FXYD4: variants seen among roughly 807,000 people sequenced by gnomAD.
FXYD4 encodes the protein FXYD domain containing ion transport regulator 4.
In FXYD4, 14 loss-of-function variants were observed where a neutral mutation model predicts 18.3. That is an observed-to-expected ratio of 0.77 (90% CI 0.51 to 1.20). The LOEUF is 1.20. Ranked by LOEUF, FXYD4 falls within the 50% of genes most tolerant of loss-of-function variation. The probability of loss-of-function intolerance (pLI) is 0.00; values close to 1 mark genes in which losing one functional copy is unlikely to be tolerated. For synonymous variants in FXYD4, 40 were observed against 40.5 expected (o/e 0.99, Z 0.04); for missense variants, 99 against 106.1 (o/e 0.93, Z 0.29).
In FXYD4 at chr10:43,373,782, A is replaced by G; in HGVS notation, c.36A>G (p.Ala12=). 1 of 1,605,780 alleles carries G rather than the reference A, an allele frequency of 6.2e-7. No homozygotes were observed. Among genetic ancestry groups the G allele is most frequent in the Non-Finnish European group, 8.5e-7 (1 of 1,172,546 alleles). ...TGACCCTGGCCCTTCTCCTACTGGC[A>G]GGTGAGTCCTCCCAGTCTCCTGGGA... ...ERVTLALLLL[A]GLTALEANDP... The change falls in exon 3 of 9, where the codon GCA becomes GCG. Residue 12 remains alanine, a splice_region_variant and synonymous_variant. Transcript: ENST00000476166.
At chr10:43,374,345 C>T (rs1837842596) in intron 3 of FXYD4, 125 bp from the exon 4 acceptor site, 12 of 873,246 alleles carry the variant, frequency 1.4e-5, no homozygotes, top group South Asian at 6.8e-5. Flanking sequence ...CTGGGGAGGG[C>T]GTGAGGAAGG....
intron 3 of FXYD4, among the ~76,000 whole-genome samples, chr10:43,374,199 TA>T (rs1232886060): frequency 1.3e-5 from 2 of 152,116 alleles, no homozygotes; most frequent in African/African-American, 4.8e-5. Flanking sequence ...TTCCGACTCA[TA>T]AAAAAGACAA....
In FXYD4 at chr10:43,375,847, G is replaced by T. The variant is rs576422860; in HGVS notation, c.212+113G>T. 3 of 1,285,478 alleles carry T rather than the reference G, an allele frequency of 2.3e-6. No individual in the cohort carries two copies. In the African/African-American group the frequency reaches 4.4e-5, roughly 19 times the overall value. 79.6% of individuals were successfully genotyped at this position (1,285,478 alleles called of 1,614,324 possible). A position where few individuals can be genotyped will look rare whatever the true frequency, so the allele number is the denominator to read the frequency against. On this transcript the variant is annotated intron_variant, in intron 7 of 8. Transcript: ENST00000476166. ...ACTCGCTGGGCTTGCAGCTGGCTTT[G>T]TTATTCAGATAGTCAACCCTGAAGG...
chr10:43,373,803 TG>T lies in FXYD4; in HGVS notation c.37+23del. Reference sequence around the variant, plus strand: ...TGGCAGGTGAGTCCTCCCAGTCTCCTGGGACCCTCTTGCATTCACCCCACCC... The same window carrying T: ...TGGCAGGTGAGTCCTCCCAGTCTCCTGGACCCTCTTGCATTCACCCCACCC... On this transcript the variant is annotated intron_variant, in intron 3 of 8. Transcript: ENST00000476166. 1 of 1,565,662 alleles carries T rather than the reference TG, an allele frequency of 6.4e-7. No homozygotes were observed. Among genetic ancestry groups the T allele is most frequent in the Admixed American group, 1.7e-5 (1 of 59,934 alleles).
Position 43,373,737 on chromosome 10 carries a change from G to C in FXYD4, c.-10G>C. 2.5e-6 allele frequency: 4 copies of C among 1,599,584 alleles called. No individual in the cohort carries two copies. Among genetic ancestry groups the C allele is most frequent in the Non-Finnish European group, 3.4e-6 (4 of 1,167,042 alleles). On this transcript the variant is annotated 5_prime_UTR_variant, in exon 3 of 9. Transcript: ENST00000476166. The stretch of plus-strand genomic sequence containing the variant: ...CTCTCCCCCTGCAGCCCTGCCCCTC[G>C]AACTGTGACATGGAGAGAGTGACCC...
chr10:43,373,259 G>C (rs1031317243), intron 2 of FXYD4, among the ~76,000 whole-genome samples: 3 of 152,108 alleles, frequency 2.0e-5, no homozygotes, highest in African/African-American at 7.2e-5. Flanking sequence ...CCTTTGTGTG[G>C]GGTTAGGAAG....
At chr10:43,374,350 G>T in intron 3 of FXYD4, 120 bp from the exon 4 acceptor site, 1 of 925,758 alleles carries the variant, frequency 1.1e-6, no homozygotes. Context: ...GAGGGCGTGA[G>T]GAAGGGAACT....
At chr10:43,374,333 G>A in intron 3 of FXYD4, 137 bp from the exon 4 acceptor site, 2 of 814,580 alleles carry the variant, frequency 2.5e-6, no homozygotes, top group South Asian at 2.9e-5. Context: ...GGCTGTGTGG[G>A]GCTGGGGAGG....
At chr10:43,374,837 T>G (rs942147273) in intron 5 of FXYD4, among the ~76,000 whole-genome samples, 198 bp downstream of exon 5, 2 of 151,512 alleles carry the variant, frequency 1.3e-5, no homozygotes, top group Admixed American at 1.3e-4. Flanking sequence ...GAAGGGCTGG[T>G]GCCTGGGTGG....
rs1837832569 is a variant in FXYD4, at chr10:43,373,543, G to A, written c.-204G>A. Reference sequence around the variant, plus strand: ...ACCACCATCTCTAGATGGGAAGACAGAAAGTAGTTACTTTCCCAAGATCTC... The same window carrying A: ...ACCACCATCTCTAGATGGGAAGACAAAAAGTAGTTACTTTCCCAAGATCTC... On this transcript the variant is annotated 5_prime_UTR_variant, in exon 3 of 9. Coordinates refer to ENST00000476166, the MANE Select transcript of FXYD4 (RefSeq NM_173160.3). 2 of 593,820 alleles carry A rather than the reference G, an allele frequency of 3.4e-6. No homozygotes were observed. Among genetic ancestry groups the A allele is most frequent in the South Asian group, 2.0e-5 (1 of 49,732 alleles). 36.8% of individuals were successfully genotyped at this position (593,820 alleles called of 1,614,324 possible).
chr10:43,373,649 C>G lies in FXYD4; in HGVS notation c.-98C>G. 1.3e-6 allele frequency: 1 copy of G among 787,254 alleles called. No homozygotes were observed. The highest frequency in any genetic ancestry group is 2.3e-6 in the Non-Finnish European group (1 of 432,812). 48.8% of individuals were successfully genotyped at this position (787,254 alleles called of 1,614,324 possible). On this transcript the variant is annotated 5_prime_UTR_variant, in exon 3 of 9. Coordinates refer to ENST00000476166, the MANE Select transcript of FXYD4 (RefSeq NM_173160.3). ...GCCTGCCCCCGCCCCTGCCTCCTCT[C>G]GCTGACCAATTGAGCTGTGAGCCTG...
chr10:43,375,999 C>A, intron 7 of FXYD4, 33 bp from the exon 8 acceptor site: 1 of 1,612,802 alleles, frequency 6.2e-7, no homozygotes, highest in South Asian at 1.1e-5. Flanking sequence ...TCCAGGCTAA[C>A]CTGATACTAC....
In FXYD4 at chr10:43,375,584, G is replaced by A; in HGVS notation, c.172+11G>A. ...TCGCGGCAGTTCTGAGTGAGTGGCAGGACAGGTGGGGCTGGAGGACAGGGT... is the reference window on the plus strand; with the variant it reads ...TCGCGGCAGTTCTGAGTGAGTGGCAAGACAGGTGGGGCTGGAGGACAGGGT... On this transcript the variant is annotated intron_variant, in intron 6 of 8. Coordinates refer to ENST00000476166, the MANE Select transcript of FXYD4 (RefSeq NM_173160.3). The A allele has an allele frequency of 6.2e-7, 1 of 1,612,944 alleles. No individual in the cohort carries two copies. Among genetic ancestry groups the A allele is most frequent in the Non-Finnish European group, 8.5e-7 (1 of 1,178,940 alleles).
At chr10:43,372,184 G>T (rs1790811257) in intron 1 of FXYD4, among the ~76,000 whole-genome samples, 1 of 152,154 alleles carries the variant, frequency 6.6e-6, no homozygotes, top group African/African-American at 2.4e-5. Flanking sequence ...TTTGGAGACT[G>T]CTCCTAGCCC....
chr10:43,373,630 C>A lies in FXYD4; in HGVS notation c.-117C>A. 1 of 752,306 alleles carries A rather than the reference C, an allele frequency of 1.3e-6. No individual in the cohort carries two copies. Among genetic ancestry groups the A allele is most frequent in the South Asian group, 1.4e-5 (1 of 73,116 alleles). The allele number at this position is 752,306 out of a possible 1,614,324, so 46.6% of individuals were successfully genotyped here. On this transcript the variant is annotated 5_prime_UTR_variant, in exon 3 of 9. Transcript: ENST00000476166. The stretch of plus-strand genomic sequence containing the variant: ...ACTTTCACCATGGGGCTCTGCCTGC[C>A]CCCGCCCCTGCCTCCTCTCGCTGAC...
chr10:43,375,407 G>A, intron 5 of FXYD4, 92 bp from the exon 6 acceptor site: 1 of 925,986 alleles, frequency 1.1e-6, no homozygotes, highest in Non-Finnish European at 1.8e-6. Context: ...GTATATGGCA[G>A]CGGCTGGCAC....
intron 3 of FXYD4, 148 bp from the exon 4 acceptor site, chr10:43,374,322 A>G: frequency 2.6e-6 from 2 of 775,058 alleles, no homozygotes; most frequent in Non-Finnish European, 4.6e-6. Context: ...CCACACCCTG[A>G]GGCTGTGTGG....
intron 5 of FXYD4, among the ~76,000 whole-genome samples, chr10:43,374,900 C>T (rs1837850087): frequency 6.6e-6 from 1 of 152,054 alleles, no homozygotes; most frequent in African/African-American, 2.4e-5. Context: ...CACCCTCACC[C>T]TCCCTTTCCC....
Position 43,373,511 on chromosome 10 carries a change from C to T in FXYD4, c.-232-4C>T. Reference sequence around the variant, plus strand: ...TGCTTACTCAATCCACACAACTCCCCCAGGCCACCACCATCTCTAGATGGG... The same window carrying T: ...TGCTTACTCAATCCACACAACTCCCTCAGGCCACCACCATCTCTAGATGGG... On this transcript the variant is annotated splice_region_variant and splice_polypyrimidine_tract_variant and intron_variant, in intron 2 of 8. Coordinates refer to ENST00000476166, the MANE Select transcript of FXYD4 (RefSeq NM_173160.3). 1 of 579,716 alleles carries T rather than the reference C, an allele frequency of 1.7e-6. No homozygotes were observed. Among genetic ancestry groups the T allele is most frequent in the South Asian group, 2.1e-5 (1 of 47,040 alleles). 35.9% of individuals were successfully genotyped at this position (579,716 alleles called of 1,614,324 possible). A position where few individuals can be genotyped will look rare whatever the true frequency, so the allele number is the denominator to read the frequency against.
Sources: allele counts gnomAD v4.1 joint callset (sites outside exome capture counted in the v4.1 genomes callset), GRCh38; gene constraint gnomAD v4.1.1; transcripts MANE v1.5; gene names NCBI Gene and HGNC (gene_info 2026-07-23, HGNC 2026-07-21).